The following ATP8B4 variants were observed in gnomAD, a reference collection of about 807,000 sequenced individuals.
The protein encoded by ATP8B4 is probable phospholipid-transporting ATPase IM.
In ATP8B4, 133 loss-of-function variants were observed where a neutral mutation model predicts 145.6. The ratio of observed to expected loss-of-function variants is 0.91; its 90% CI spans 0.79 to 1.05. The LOEUF is 1.05. Ranked by LOEUF, ATP8B4 falls within the 50% of genes least tolerant of loss-of-function variation. ATP8B4 has a pLI of 0.00. For missense variants in ATP8B4, 1,458 were observed against 1,425.2 expected, an observed-to-expected ratio of 1.02 and a Z score of -0.37; for synonymous variants, 507 against 492.9, an observed-to-expected ratio of 1.03 and a Z score of -0.38.
chr15:50,053,149 A>T lies in ATP8B4; in HGVS notation c.88-5685T>A, dbSNP rs1600095311. Among the ~76,000 whole-genome samples, 3 of 152,312 alleles carry T rather than the reference A, an allele frequency of 2.0e-5. No individual in the cohort carries two copies. The South Asian group carries it at 6.2e-4, about 32-fold the overall frequency. On this transcript the variant is annotated intron_variant, in intron 3 of 27. Coordinates refer to ENST00000284509, the MANE Select transcript of ATP8B4 (RefSeq NM_024837.4). Reference sequence around the variant, plus strand: ...TCAAGCTCTTACTATGTGTACTAAGAGTTTTACATTTTACAGCTCATCTTA... The same window carrying T: ...TCAAGCTCTTACTATGTGTACTAAGTGTTTTACATTTTACAGCTCATCTTA...
chr15:50,088,504 G>A (rs371526996), intron 2 of ATP8B4, among the ~76,000 whole-genome samples: 11 of 151,786 alleles, frequency 7.2e-5, no homozygotes, highest in Admixed American at 5.3e-4. Flanking sequence ...CTGTTCCCTC[G>A]CCTGGCATGC....
intron 1 of ATP8B4, among the ~76,000 whole-genome samples, chr15:50,131,677 T>C (rs1239235553): frequency 6.6e-6 from 1 of 151,346 alleles, no homozygotes; most frequent in African/African-American, 2.4e-5. Context: ...TATATAAGCA[T>C]TGATATACTT....
At chr15:50,067,036 C>T (rs558395433) in intron 3 of ATP8B4, among the ~76,000 whole-genome samples, 1 of 152,144 alleles carries the variant, frequency 6.6e-6, no homozygotes, top group African/African-American at 2.4e-5. Context: ...GTCCTCTGTT[C>T]CTTCTTAAGT....
intron 12 of ATP8B4, 109 bp downstream of exon 12, chr15:49,979,508 G>T: frequency 2.4e-6 from 2 of 839,098 alleles, no homozygotes; most frequent in Non-Finnish European, 3.4e-6. Flanking sequence ...CAGATCATAA[G>T]CAGTTAAGAG....
intron 20 of ATP8B4, among the ~76,000 whole-genome samples, chr15:49,910,954 C>T (rs2039162306): frequency 6.6e-6 from 1 of 151,902 alleles, no homozygotes; most frequent in East Asian, 1.9e-4. Context: ...AAGAACAACA[C>T]ATAAAAGTGC....
intron 3 of ATP8B4, among the ~76,000 whole-genome samples, chr15:50,071,245 A>G (rs1033534774): frequency 9.2e-5 from 14 of 152,240 alleles, no homozygotes; most frequent in Non-Finnish European, 1.0e-4. Flanking sequence ...TAAAAGAAAG[A>G]AAGATCTGAA....
chr15:50,139,525 G>C (rs2153679713), intron 1 of ATP8B4, among the ~76,000 whole-genome samples: 1 of 152,212 alleles, frequency 6.6e-6, no homozygotes, highest in Middle Eastern at 3.4e-3. Context: ...GATAGGTGCG[G>C]TAAACCACCA....
intron 1 of ATP8B4, among the ~76,000 whole-genome samples, chr15:50,136,979 C>T (rs2044131490): frequency 6.6e-6 from 1 of 152,088 alleles, no homozygotes; most frequent in South Asian, 2.1e-4. Context: ...TTCTTTTCTT[C>T]AGTTCAGGGA....
chr15:49,887,275 G>T (rs1451545016), intron 23 of ATP8B4, among the ~76,000 whole-genome samples: 1 of 151,786 alleles, frequency 6.6e-6, no homozygotes, highest in Non-Finnish European at 1.5e-5. Context: ...AGCTGAGAGG[G>T]GCACATGAGC....
intron 2 of ATP8B4, among the ~76,000 whole-genome samples, chr15:50,077,448 T>C (rs2153638555): frequency 6.6e-6 from 1 of 152,282 alleles, no homozygotes; most frequent in East Asian, 1.9e-4. Flanking sequence ...ATGAGATCAT[T>C]TTGACTGGGA....
chr15:50,080,597 AT>A lies in ATP8B4; in HGVS notation c.29-6413del, dbSNP rs200866612. Among the ~76,000 whole-genome samples, 102 of 149,110 alleles carry A rather than the reference AT, an allele frequency of 6.8e-4. 1 individual carries two copies. The highest frequency in any genetic ancestry group is 2.2e-3 in the African/African-American group (89 of 40,796). On this transcript the variant is annotated intron_variant, in intron 2 of 27. Coordinates refer to ENST00000284509, the MANE Select transcript of ATP8B4 (RefSeq NM_024837.4). The stretch of plus-strand genomic sequence containing the variant: ...AGGGACATAATACTATCTTGCTAGA[AT>A]TTTTTTTTTTAATAAGTAGAGACAG...
chr15:50,169,066 C>A (rs553355060), intron 1 of ATP8B4, among the ~76,000 whole-genome samples: 1 of 152,334 alleles, frequency 6.6e-6, no homozygotes, highest in South Asian at 2.1e-4. Context: ...GGCCTAGCCC[C>A]ACCCCCATCT....
At chr15:49,888,967 C>A (rs1269569647) in intron 23 of ATP8B4, among the ~76,000 whole-genome samples, 2 of 152,086 alleles carry the variant, frequency 1.3e-5, no homozygotes, top group African/African-American at 4.8e-5. Context: ...TATGACACAC[C>A]CCGCAAGTCA....
chr15:50,043,780 C>T (rs1342724814), intron 5 of ATP8B4, among the ~76,000 whole-genome samples: 1 of 151,076 alleles, frequency 6.6e-6, no homozygotes, highest in Non-Finnish European at 1.5e-5. Flanking sequence ...GGTGAAACCC[C>T]GTCTCTACTA....
At position 50,074,156 on chromosome 15, in the gene ATP8B4, G is replaced by C. The variant is rs74317179; in HGVS notation, c.58C>G (p.Arg20Gly). The C allele has an allele frequency of 3.9e-3, 6,250 of 1,612,596 alleles. 20 individuals are homozygous for C. The highest frequency in any genetic ancestry group is 5.3e-3 in the Middle Eastern group (32 of 6,056). ...EVERIVKANDREYNEKFQYAD... is the reference protein window; with the variant it reads ...EVERIVKANDGEYNEKFQYAD... The stretch of plus-strand genomic sequence containing the variant: ...TACTGGAACTTTTCATTATATTCAC[G>C]GTCATTGGCTTTCACTATCCGTTCC... Residue 20 changes from arginine (R) to glycine (G), a missense_variant, in exon 3 of 28, where the codon CGT becomes GGT. By Grantham distance (125) the Arg-to-Gly change is moderately radical. Coordinates refer to ENST00000284509, the MANE Select transcript of ATP8B4 (RefSeq NM_024837.4).
chr15:50,146,703 G>C (rs1380159921), intron 1 of ATP8B4, among the ~76,000 whole-genome samples: 1 of 152,196 alleles, frequency 6.6e-6, no homozygotes, highest in Non-Finnish European at 1.5e-5. Flanking sequence ...CAACATTTAG[G>C]CTCATAGATG....
chr15:50,059,710 T>A (rs1485222501), intron 3 of ATP8B4, among the ~76,000 whole-genome samples: 1 of 152,200 alleles, frequency 6.6e-6, no homozygotes, highest in Admixed American at 6.5e-5. Flanking sequence ...CAGACACTTA[T>A]GCAAGTGTGT....
chr15:49,901,881 G>T, intron 20 of ATP8B4: 1 of 392,966 alleles, frequency 2.5e-6, no homozygotes, highest in South Asian at 1.9e-5. Flanking sequence ...AAAAAAACTA[G>T]ACACCAAAAT....
intron 1 of ATP8B4, among the ~76,000 whole-genome samples, chr15:50,139,627 C>T (rs945577075): frequency 1.3e-5 from 2 of 152,078 alleles, no homozygotes; most frequent in African/African-American, 2.4e-5. Flanking sequence ...TGTGTCCGTT[C>T]GATGGATGAG....
Sources: gnomAD v4.1 joint callset for allele counts (sites outside exome capture counted in the v4.1 genomes callset) on GRCh38, gnomAD v4.1.1 for gene constraint, MANE v1.5 for transcripts, NCBI Gene and HGNC (gene_info 2026-07-23, HGNC 2026-07-21) for gene names.